Variants in CSMD1 observed in about 807,000 individuals in gnomAD.
The protein encoded by CSMD1 is CUB and sushi domain-containing protein 1.
CSMD1 carries 213 observed loss-of-function variants against 417.5 expected under a neutral mutation model. The ratio of observed to expected loss-of-function variants is 0.51; its 90% CI spans 0.46 to 0.57. CSMD1 has a LOEUF of 0.57. CSMD1 is among the 20% of genes least tolerant of loss of function. The pLI, the probability that CSMD1 is intolerant of heterozygous loss-of-function variation, is 0.00. For synonymous variants in CSMD1, 2,862 were observed against 1,736.8 expected (o/e 1.65, Z -16.11); for missense variants, 6,923 against 4,529.7 (o/e 1.53, Z -15.17).
intron 12 of CSMD1, among the ~76,000 whole-genome samples, chr8:3,435,662 T>G (rs1295577499): frequency 6.6e-6 from 1 of 152,168 alleles, no homozygotes; most frequent in African/African-American, 2.4e-5. Flanking sequence ...ACCTGCACGG[T>G]GCCACCCACC....
chr8:4,261,852 T>C (rs1504761), intron 3 of CSMD1, among the ~76,000 whole-genome samples: 15,181 of 152,150 alleles, frequency 0.1, 1,126 homozygotes, highest in East Asian at 0.41. Flanking sequence ...TTTTGTTCAT[T>C]ATACCCTAAT....
chr8:4,712,276 G>A (rs956033315), intron 1 of CSMD1, among the ~76,000 whole-genome samples: 2 of 152,206 alleles, frequency 1.3e-5, no homozygotes, highest in Non-Finnish European at 2.9e-5. Flanking sequence ...ACATGTAGGT[G>A]AGAGTACACT....
chr8:4,034,680 T>G (rs902557870), intron 3 of CSMD1, among the ~76,000 whole-genome samples: 17 of 152,154 alleles, frequency 1.1e-4, no homozygotes, highest in African/African-American at 4.1e-4. Context: ...AAGGGAGTGA[T>G]TAAAAAAAGT....
At chr8:4,422,816 C>T (rs192415051) in intron 2 of CSMD1, among the ~76,000 whole-genome samples, 1 of 152,008 alleles carries the variant, frequency 6.6e-6, no homozygotes, top group East Asian at 1.9e-4. Flanking sequence ...AGGCAAGATA[C>T]GAATTATACA....
intron 5 of CSMD1, among the ~76,000 whole-genome samples, chr8:3,840,342 A>G (rs1271744484): frequency 1.3e-5 from 2 of 152,178 alleles, no homozygotes; most frequent in Non-Finnish European, 2.9e-5. Context: ...TAACAGAAAT[A>G]TCCTTGAAAA....
At chr8:4,574,948 T>C (rs964570741) in intron 2 of CSMD1, among the ~76,000 whole-genome samples, 1 of 152,236 alleles carries the variant, frequency 6.6e-6, no homozygotes, top group Non-Finnish European at 1.5e-5. Context: ...TCAAGAACTA[T>C]TCCTAATGAC....
rs564409324 is a variant in CSMD1 at position 3,517,444 on chromosome 8, T to C, written c.1345-23718A>G. 1.2e-3 allele frequency among the ~76,000 whole-genome samples: 178 copies of C among 152,282 alleles called. 1 individual carries two copies. The highest frequency in any genetic ancestry group is 3.9e-3 in the African/African-American group (161 of 41,568). On this transcript the variant is annotated intron_variant, in intron 10 of 69. Coordinates refer to ENST00000635120, the MANE Select transcript of CSMD1 (RefSeq NM_033225.6). ...AGTCCTCTACACTCCAACCTATGCATTGATTTCCAAATTGCCAGTGAAATT... is the reference window on the plus strand; with the variant it reads ...AGTCCTCTACACTCCAACCTATGCACTGATTTCCAAATTGCCAGTGAAATT...
chr8:3,735,002 G>C (rs1426344892), intron 6 of CSMD1, among the ~76,000 whole-genome samples: 2 of 152,222 alleles, frequency 1.3e-5, no homozygotes, highest in South Asian at 4.2e-4. Context: ...TGTGCAAAGA[G>C]AGGAGTGAGG....
intron 5 of CSMD1, among the ~76,000 whole-genome samples, chr8:3,776,215 C>G (rs1356949604): frequency 6.6e-6 from 1 of 152,172 alleles, no homozygotes; most frequent in Non-Finnish European, 1.5e-5. Context: ...GGAGGGTGCC[C>G]TGTGCTCATC....
intron 33 of CSMD1, among the ~76,000 whole-genome samples, chr8:3,191,381 G>A (rs1796413763): frequency 6.6e-6 from 1 of 152,132 alleles, no homozygotes; most frequent in Admixed American, 6.6e-5. Context: ...GCTTCACCCT[G>A]GGAGGCATAA....
At chr8:3,735,299 G>C (rs370438973) in intron 6 of CSMD1, among the ~76,000 whole-genome samples, 1 of 132,986 alleles carries the variant, frequency 7.5e-6, no homozygotes, top group Non-Finnish European at 1.7e-5. Context: ...TATATGGCAA[G>C]ATAAAAAACA....
chr8:4,006,063 C>T lies in CSMD1; in HGVS notation c.611-7953G>A, dbSNP rs80076150. Among the ~76,000 whole-genome samples the T allele has an allele frequency of 3.1e-3, 465 of 152,226 alleles. 13 individuals are homozygous for T. The East Asian group carries it at 0.056, about 18-fold the overall frequency. On this transcript the variant is annotated intron_variant, in intron 4 of 69. Transcript: ENST00000635120. ...AAAAAGGAACTATTCAAGGAATGAG[C>T]TGGAGGAAGAGCATTCCCAACAGAT...
chr8:4,097,635 G>A (rs995800115), intron 3 of CSMD1, among the ~76,000 whole-genome samples: 2 of 152,148 alleles, frequency 1.3e-5, no homozygotes, highest in Admixed American at 6.6e-5. Flanking sequence ...GCAACATAGG[G>A]ATTCAAGTAA....
chr8:4,399,313 G>T (rs1363118250), intron 3 of CSMD1, among the ~76,000 whole-genome samples: 4 of 152,164 alleles, frequency 2.6e-5, no homozygotes, highest in Admixed American at 2.0e-4. Flanking sequence ...AATTCTACAT[G>T]TGAAAACAAT....
At chr8:4,183,249 G>T (rs545415267) in intron 3 of CSMD1, among the ~76,000 whole-genome samples, 1 of 152,252 alleles carries the variant, frequency 6.6e-6, no homozygotes, top group South Asian at 2.1e-4. Flanking sequence ...AAGAAAATTT[G>T]CAGTAGACTG....
chr8:4,752,448 G>C (rs1992201), intron 1 of CSMD1, among the ~76,000 whole-genome samples: 81,206 of 151,996 alleles, frequency 0.53, 22,780 homozygotes, highest in Admixed American at 0.67. Context: ...TAAAACCTTA[G>C]GTACTACCTC....
intron 1 of CSMD1, among the ~76,000 whole-genome samples, chr8:4,637,921 C>G (rs889496102): frequency 1.3e-5 from 2 of 151,992 alleles, no homozygotes; most frequent in African/African-American, 4.8e-5. Context: ...CCACCCGCCC[C>G]GGCCTCCCAA....
At chr8:4,003,625 A>G (rs979574090) in intron 4 of CSMD1, among the ~76,000 whole-genome samples, 2 of 152,226 alleles carry the variant, frequency 1.3e-5, no homozygotes, top group African/African-American at 2.4e-5. Flanking sequence ...TATACATTAA[A>G]AAGATAAATT....
chr8:2,973,359 T>C (rs987051835), intron 56 of CSMD1, 60 bp from the exon 57 acceptor site: 7 of 1,507,788 alleles, frequency 4.6e-6, no homozygotes, highest in East Asian at 2.3e-5. Flanking sequence ...TTAAGCAGAG[T>C]TGTCACACTT....
Sources: allele counts gnomAD v4.1 joint callset (sites outside exome capture counted in the v4.1 genomes callset), GRCh38; gene constraint gnomAD v4.1.1; transcripts MANE v1.5; gene names NCBI Gene and HGNC (gene_info 2026-07-23, HGNC 2026-07-21).